SLC8A1: variants seen among roughly 807,000 people sequenced by gnomAD.
The protein encoded by SLC8A1 is solute carrier family 8 member A1.
SLC8A1 carries 18 observed loss-of-function variants against 68.3 expected under a neutral mutation model. That is an observed-to-expected ratio of 0.26 (90% CI 0.18 to 0.39). SLC8A1 has a LOEUF of 0.39. Among genes scored for constraint, SLC8A1 ranks in the 10% least tolerant of loss-of-function variants. SLC8A1 has a pLI of 1.00. For synonymous variants in SLC8A1, 475 were observed against 415.5 expected, an observed-to-expected ratio of 1.14 and a Z score of -1.74; for missense variants, 985 against 1,156.7, an observed-to-expected ratio of 0.85 and a Z score of 2.15.
intron 2 of SLC8A1, among the ~76,000 whole-genome samples, chr2:40,356,828 T>C (rs1182733645): frequency 6.6e-6 from 1 of 152,204 alleles, no homozygotes; most frequent in Admixed American, 6.5e-5. Context: ...GAAACCAATG[T>C]GAGACAATAG....
At chr2:40,103,575 A>G (rs1015261915) in exon 8 of SLC8A1, 1 of 152,128 alleles carries the variant, frequency 6.6e-6, no homozygotes, top group East Asian at 1.9e-4. Flanking sequence ...TTTTTTTCCT[A>G]AAAGATTAAG....
At chr2:40,258,448 C>A (rs2064240083) in intron 2 of SLC8A1, among the ~76,000 whole-genome samples, 4 of 152,212 alleles carry the variant, frequency 2.6e-5, no homozygotes, top group African/African-American at 7.2e-5. Flanking sequence ...TGCACCAAGG[C>A]TCCTACCTGT....
intron 2 of SLC8A1, among the ~76,000 whole-genome samples, chr2:40,352,627 A>C (rs1671443970): frequency 6.6e-6 from 1 of 152,202 alleles, no homozygotes; most frequent in Non-Finnish European, 1.5e-5. Context: ...GAGTGGCTTA[A>C]GTGACCTTTG....
At chr2:40,392,998 G>C (rs1685806427) in intron 2 of SLC8A1, among the ~76,000 whole-genome samples, 1 of 152,046 alleles carries the variant, frequency 6.6e-6, no homozygotes, top group East Asian at 1.9e-4. Flanking sequence ...GACAAAAGAG[G>C]AGCAGGAGAA....
chr2:40,274,389 A>G (rs1028364728), intron 2 of SLC8A1, among the ~76,000 whole-genome samples: 1 of 152,114 alleles, frequency 6.6e-6, no homozygotes, highest in Non-Finnish European at 1.5e-5. Context: ...CTGAAGGGCA[A>G]TGGAAGTTGT....
chr2:40,358,924 C>A (rs114258577), intron 2 of SLC8A1, among the ~76,000 whole-genome samples: 85 of 152,218 alleles, frequency 5.6e-4, no homozygotes, highest in African/African-American at 2.0e-3. Context: ...CTTTACTGAG[C>A]AGGAGACGCT....
At chr2:40,270,332 G>A (rs1034812094) in intron 2 of SLC8A1, among the ~76,000 whole-genome samples, 1 of 152,156 alleles carries the variant, frequency 6.6e-6, no homozygotes, top group African/African-American at 2.4e-5. Context: ...TTTCACAATT[G>A]GTGCAAAACA....
chr2:40,472,005 G>A (rs1031376316), intron 1 of SLC8A1, among the ~76,000 whole-genome samples: 1 of 152,120 alleles, frequency 6.6e-6, no homozygotes, highest in African/African-American at 2.4e-5. Context: ...AGGAGAGGAG[G>A]AGACTGCGGT....
At chr2:40,150,405 T>C (rs1034710136) in intron 6 of SLC8A1, among the ~76,000 whole-genome samples, 18 of 152,190 alleles carry the variant, frequency 1.2e-4, no homozygotes, top group African/African-American at 4.3e-4. Context: ...CTTCCACTTC[T>C]TTGGGTTAGG....
chr2:40,450,901 T>G (rs1702338911), intron 1 of SLC8A1, among the ~76,000 whole-genome samples: 1 of 152,068 alleles, frequency 6.6e-6, no homozygotes, highest in African/African-American at 2.4e-5. Context: ...CCACTACCAC[T>G]TTGGAGAGGG....
chr2:40,112,976 T>A (rs913246933), exon 8 of SLC8A1: 1 of 152,236 alleles, frequency 6.6e-6, no homozygotes. Context: ...GTTAAAAGAG[T>A]TTCATAATTG....
At chr2:40,121,755 T>C (rs748805263) in intron 7 of SLC8A1, among the ~76,000 whole-genome samples, 1 of 152,226 alleles carries the variant, frequency 6.6e-6, no homozygotes, top group Non-Finnish European at 1.5e-5. Context: ...AGAGAATCCA[T>C]ACATGGTAGG....
intron 2 of SLC8A1, among the ~76,000 whole-genome samples, chr2:40,263,626 G>C (rs1488532606): frequency 6.6e-6 from 1 of 152,052 alleles, no homozygotes; most frequent in Non-Finnish European, 1.5e-5. Context: ...TTCATAAATG[G>C]TGCTAGCCAT....
At chr2:40,396,462 G>C (rs1686926145) in intron 2 of SLC8A1, among the ~76,000 whole-genome samples, 1 of 152,022 alleles carries the variant, frequency 6.6e-6, no homozygotes, top group African/African-American at 2.4e-5. Flanking sequence ...TAGTAGCACA[G>C]TGCAAATTTA....
intron 3 of SLC8A1, among the ~76,000 whole-genome samples, chr2:40,177,255 G>A (rs1170310672): frequency 3.3e-5 from 5 of 152,084 alleles, no homozygotes; most frequent in East Asian, 1.9e-4. Context: ...TTTAAACTGT[G>A]TTCTCCAAAG....
chr2:40,490,865 A>G (rs1254231728), intron 1 of SLC8A1, among the ~76,000 whole-genome samples: 2 of 152,150 alleles, frequency 1.3e-5, no homozygotes, highest in African/African-American at 4.8e-5. Flanking sequence ...ATTATAGAGA[A>G]TCATATGCAT....
intron 2 of SLC8A1, among the ~76,000 whole-genome samples, chr2:40,265,158 G>C (rs1297860667): frequency 6.6e-6 from 1 of 152,148 alleles, no homozygotes; most frequent in Non-Finnish European, 1.5e-5. Context: ...CCTGAATTAA[G>C]GACAATGTAG....
In SLC8A1 at chr2:40,430,583, C is replaced by T. The variant is rs144141619; in HGVS notation, c.-24-279G>A. ...GTACCCATTCACTGAGCAAGATACA[C>T]AATTGACTTACTGGAAAGGAAAAGT... On this transcript the variant is annotated intron_variant, in intron 1 of 7. Transcript: ENST00000406785. Among the ~76,000 whole-genome samples, 322 of 152,284 alleles carry T rather than the reference C, an allele frequency of 2.1e-3. 2 individuals carry two copies. The highest frequency in any genetic ancestry group is 0.02 in the Middle Eastern group (6 of 294).
intron 2 of SLC8A1, among the ~76,000 whole-genome samples, chr2:40,268,182 TTGTG>T (rs907052826): frequency 1.1e-4 from 16 of 152,220 alleles, no homozygotes; most frequent in African/African-American, 3.9e-4. Context: ...GTGTGTGTGT[TTGTG>T]TGTTTCTTTC....
Sources: gnomAD v4.1 joint callset for allele counts (sites outside exome capture counted in the v4.1 genomes callset) on GRCh38, gnomAD v4.1.1 for gene constraint, MANE v1.5 for transcripts, NCBI Gene and HGNC (gene_info 2026-07-23, HGNC 2026-07-21) for gene names.